The following PHF11 variants were observed in gnomAD, a reference collection of about 807,000 sequenced individuals.
PHF11 encodes the protein BRCA1 C-terminus-associated protein.
Under a neutral mutation model 40.5 loss-of-function variants are expected in PHF11, and 38 were observed. That is an observed-to-expected ratio of 0.94 (90% CI 0.72 to 1.23). The LOEUF is 1.23. Ranked by LOEUF, PHF11 falls within the 50% of genes most tolerant of loss-of-function variation. The pLI is 0.00. For missense variants in PHF11, 369 were observed against 392.4 expected (o/e 0.94, Z 0.50); for synonymous variants, 127 against 138.2 (o/e 0.92, Z 0.57).
At chr13:49,528,272 A>ATCT (rs1402168833) in intron 9 of PHF11, among the ~76,000 whole-genome samples, 1 of 152,202 alleles carries the variant, frequency 6.6e-6, no homozygotes, top group Non-Finnish European at 1.5e-5. Context: ...TGTGCACAAA[A>ATCT]TCTTAAGGGT....
intron 1 of PHF11, among the ~76,000 whole-genome samples, chr13:49,501,910 C>T (rs1405327078): frequency 1.3e-5 from 2 of 151,974 alleles, no homozygotes; most frequent in Non-Finnish European, 2.9e-5. Context: ...AGGCTGGTCT[C>T]GAACTCCTGA....
At chr13:49,498,056 A>C (rs1257939626) in intron 1 of PHF11, among the ~76,000 whole-genome samples, 2 of 152,202 alleles carry the variant, frequency 1.3e-5, no homozygotes, top group Non-Finnish European at 2.9e-5. Context: ...ACTACCTGGA[A>C]AACAAAACAA....
Position 49,506,714 on chromosome 13 carries a change from C to G in PHF11, c.174C>G (p.Tyr58Ter), listed in dbSNP as rs1265831063. 1 of 1,607,934 alleles carries G rather than the reference C, an allele frequency of 6.2e-7. No homozygotes were observed. The highest frequency in any genetic ancestry group is 8.5e-7 in the Non-Finnish European group (1 of 1,174,844). ...AAGATGTCGAATATAATGTCCTATA[C>G]TTTGCACAATCAGAGAATATAGCTG... ...CPKDVEYNVL[Y>*]FAQSENIAAH... is the part of the protein sequence containing the mutation. Residue 58 changes from tyrosine (Y) to a stop codon, truncating the protein, a stop_gained, in exon 2 of 10, where the codon TAC (tyrosine) becomes TAG (stop). Coordinates refer to ENST00000378319, the MANE Select transcript of PHF11 (RefSeq NM_001040443.3). LOFTEE classifies it high-confidence loss of function.
At chr13:49,500,353 C>T (rs922819677) in intron 1 of PHF11, among the ~76,000 whole-genome samples, 2 of 152,156 alleles carry the variant, frequency 1.3e-5, no homozygotes, top group African/African-American at 2.4e-5. Flanking sequence ...GGTATCCCTC[C>T]CTCTCTGAAT....
chr13:49,508,188 A>G (rs1192937553), intron 2 of PHF11, among the ~76,000 whole-genome samples: 4 of 147,696 alleles, frequency 2.7e-5, no homozygotes, highest in African/African-American at 7.4e-5. Flanking sequence ...TTAATGCAGT[A>G]TGTATTAATA....
intron 7 of PHF11, 181 bp from the exon 8 acceptor site, chr13:49,523,904 A>T: frequency 2.6e-6 from 1 of 383,600 alleles, no homozygotes; most frequent in Non-Finnish European, 4.6e-6. Flanking sequence ...TCATTGTTTC[A>T]GCTGGCCAAA....
intron 9 of PHF11, among the ~76,000 whole-genome samples, chr13:49,527,615 A>G (rs1191927040): frequency 1.3e-5 from 2 of 152,254 alleles, no homozygotes; most frequent in East Asian, 1.9e-4. Flanking sequence ...GTCTGCTAAT[A>G]TATAGCAGTA....
intron 2 of PHF11, among the ~76,000 whole-genome samples, chr13:49,510,113 C>T (rs1244811626): frequency 6.6e-6 from 1 of 152,084 alleles, no homozygotes; most frequent in Non-Finnish European, 1.5e-5. Context: ...CAACTTTGAC[C>T]TCCTGGGCTC....
chr13:49,501,616 TAA>T (rs1958908830), intron 1 of PHF11, among the ~76,000 whole-genome samples: 1 of 152,222 alleles, frequency 6.6e-6, no homozygotes, highest in African/African-American at 2.4e-5. Flanking sequence ...ATTATGAATA[TAA>T]GTTAGATTCC....
rs1464687554 is a variant in PHF11, at chr13:49,506,678, A to T, written c.138A>T (p.Ala46=). ...AAAAGATGGAAAAAAGGACATGTGC[A>T]CTCTGCCCCAAAGATGTCGAATATA... ...VAEKMEKRTC[A]LCPKDVEYNV... Residue 46 remains alanine, a synonymous_variant, in exon 2 of 10, where the codon GCA becomes GCT. Coordinates refer to ENST00000378319, the MANE Select transcript of PHF11 (RefSeq NM_001040443.3). 2.5e-6 allele frequency: 4 copies of T among 1,610,220 alleles called. No individual in the cohort carries two copies. Among genetic ancestry groups the T allele is most frequent in the Non-Finnish European group, 3.4e-6 (4 of 1,176,648 alleles).
chr13:49,520,044 TTC>T (rs931084167), intron 4 of PHF11, among the ~76,000 whole-genome samples: 5 of 151,658 alleles, frequency 3.3e-5, no homozygotes, highest in Non-Finnish European at 2.9e-5. Context: ...TTCACTTCAT[TTC>T]TTTTGTTTTG....
At chr13:49,501,001 T>TTTTG (rs1566185239) in intron 1 of PHF11, among the ~76,000 whole-genome samples, 2 of 107,374 alleles carry the variant, frequency 1.9e-5, no homozygotes, top group East Asian at 6.0e-4. Context: ...CCAACTTTTG[T>TTTTG]TTTTTTTTTT....
chr13:49,509,247 T>G (rs570806560), intron 2 of PHF11, among the ~76,000 whole-genome samples: 1 of 151,790 alleles, frequency 6.6e-6, no homozygotes, highest in South Asian at 2.1e-4. Context: ...AGTCTTGCTC[T>G]GTCGCCCCAG....
chr13:49,522,212 A>G, intron 6 of PHF11, 105 bp downstream of exon 6: 2 of 605,310 alleles, frequency 3.3e-6, no homozygotes, highest in Non-Finnish European at 5.9e-6. Flanking sequence ...GTCCAAACAG[A>G]GAGCCTTTGA....
intron 2 of PHF11, among the ~76,000 whole-genome samples, chr13:49,509,312 A>G (rs999163438): frequency 2.0e-5 from 3 of 151,780 alleles, no homozygotes; most frequent in Non-Finnish European, 4.4e-5. Context: ...TCCCAGGTTC[A>G]AGCGATTCTC....
chr13:49,507,719 C>T (rs1211018815), intron 2 of PHF11, among the ~76,000 whole-genome samples: 2 of 152,174 alleles, frequency 1.3e-5, no homozygotes, highest in Non-Finnish European at 2.9e-5. Context: ...TGTTTTATAA[C>T]AAAGTCTTGA....
At chr13:49,498,433 A>T (rs575531873) in intron 1 of PHF11, among the ~76,000 whole-genome samples, 4 of 129,260 alleles carry the variant, frequency 3.1e-5, no homozygotes, top group African/African-American at 1.6e-4. Flanking sequence ...TCATTCTGAC[A>T]GTAACCTAGT....
chr13:49,498,711 G>A (rs1958859133), intron 1 of PHF11, among the ~76,000 whole-genome samples: 1 of 152,186 alleles, frequency 6.6e-6, no homozygotes, highest in South Asian at 2.1e-4. Context: ...ATCATGACAG[G>A]GAAAATAGAG....
intron 1 of PHF11, among the ~76,000 whole-genome samples, chr13:49,504,348 T>A (rs2139036049): frequency 6.6e-6 from 1 of 151,368 alleles, no homozygotes; most frequent in Non-Finnish European, 1.5e-5. Context: ...GCTACTGAGG[T>A]GGGAGACTGA....
Sources: gnomAD v4.1 joint callset for allele counts (sites outside exome capture counted in the v4.1 genomes callset) on GRCh38, gnomAD v4.1.1 for gene constraint, MANE v1.5 for transcripts, NCBI Gene and HGNC (gene_info 2026-07-23, HGNC 2026-07-21) for gene names.